Variants in PTPRD observed in about 807,000 individuals in gnomAD.
PTPRD encodes the protein protein tyrosine phosphatase receptor type D, also known as receptor-type tyrosine-protein phosphatase delta.
In PTPRD, 34 loss-of-function variants were observed where a neutral mutation model predicts 214.5. The ratio of observed to expected loss-of-function variants is 0.16; its 90% CI spans 0.12 to 0.21. The LOEUF (loss-of-function observed/expected upper bound fraction) is 0.21. Among genes scored for constraint, PTPRD ranks in the 10% least tolerant of loss-of-function variants. The probability of loss-of-function intolerance (pLI) is 1.00; values close to 1 mark genes in which losing one functional copy is unlikely to be tolerated. For missense variants in PTPRD, 2,545 were observed against 2,398.7 expected (o/e 1.06, Z -1.27); for synonymous variants, 1,128 against 845.7 (o/e 1.33, Z -5.79).
chr9:9,085,266 C>T (rs1201939871), intron 10 of PTPRD, among the ~76,000 whole-genome samples: 2 of 152,052 alleles, frequency 1.3e-5, no homozygotes, highest in African/African-American at 2.4e-5. Context: ...TTTATAACTA[C>T]CTATTTAGGA....
intron 4 of PTPRD, among the ~76,000 whole-genome samples, chr9:9,973,799 A>G (rs961573659): frequency 6.6e-6 from 1 of 151,522 alleles, no homozygotes; most frequent in African/African-American, 2.4e-5. Context: ...TTATATTTTT[A>G]TTTGTATTTT....
At chr9:10,388,313 A>G (rs73644443) in intron 2 of PTPRD, among the ~76,000 whole-genome samples, 91 of 151,964 alleles carry the variant, frequency 6.0e-4, no homozygotes, top group African/African-American at 2.1e-3. Context: ...GAAAGGAAGT[A>G]CATCCTGAGA....
At chr9:10,289,410 G>A (rs1048141880) in intron 3 of PTPRD, among the ~76,000 whole-genome samples, 12 of 152,092 alleles carry the variant, frequency 7.9e-5, no homozygotes, top group African/African-American at 2.7e-4. Context: ...GAGCACAGAG[G>A]AAAACCCTGC....
At chr9:9,176,979 G>GT (rs1156270497) in intron 10 of PTPRD, among the ~76,000 whole-genome samples, 2 of 152,056 alleles carry the variant, frequency 1.3e-5, no homozygotes, top group African/African-American at 2.4e-5. Flanking sequence ...TATCTTAGTA[G>GT]TTTTTTCTGT....
chr9:10,321,656 ACT>A (rs1269793393), intron 3 of PTPRD, among the ~76,000 whole-genome samples: 6 of 151,540 alleles, frequency 4.0e-5, no homozygotes, highest in Admixed American at 3.3e-4. Context: ...AACAAAATCA[ACT>A]CTTTTATTTG....
intron 9 of PTPRD, among the ~76,000 whole-genome samples, chr9:9,214,791 C>G (rs2099951071): frequency 6.6e-6 from 1 of 152,048 alleles, no homozygotes; most frequent in Non-Finnish European, 1.5e-5. Flanking sequence ...GTGGTTGGCA[C>G]TATATAAATA....
intron 4 of PTPRD, among the ~76,000 whole-genome samples, chr9:10,014,665 T>C (rs564622539): frequency 3.6e-4 from 55 of 152,028 alleles, no homozygotes; most frequent in African/African-American, 1.3e-3. Context: ...AGATGAGAAA[T>C]GAAACGTGAA....
chr9:10,444,902 C>T (rs1392510137), intron 2 of PTPRD, among the ~76,000 whole-genome samples: 3 of 151,844 alleles, frequency 2.0e-5, no homozygotes, highest in Admixed American at 6.6e-5. Flanking sequence ...CCACTTTTCT[C>T]ACAGAAAAAT....
At chr9:10,050,457 G>T (rs2097510141) in intron 3 of PTPRD, among the ~76,000 whole-genome samples, 1 of 149,488 alleles carries the variant, frequency 6.7e-6, no homozygotes, top group Non-Finnish European at 1.5e-5. Context: ...CTACTTGGGA[G>T]GCTGAGGCAG....
At chr9:9,329,902 A>T (rs1187777418) in intron 9 of PTPRD, among the ~76,000 whole-genome samples, 1 of 152,188 alleles carries the variant, frequency 6.6e-6, no homozygotes, top group Non-Finnish European at 1.5e-5. Flanking sequence ...TCACTGAGAA[A>T]TTCCTAGGGC....
intron 14 of PTPRD, among the ~76,000 whole-genome samples, chr9:8,557,805 C>T (rs1033570074): frequency 6.5e-5 from 9 of 138,308 alleles, no homozygotes; most frequent in African/African-American, 2.5e-4. Flanking sequence ...CACACACACA[C>T]ACATATATAC....
intron 10 of PTPRD, among the ~76,000 whole-genome samples, chr9:9,131,015 T>C (rs1486146336): frequency 6.6e-6 from 1 of 152,178 alleles, no homozygotes; most frequent in Non-Finnish European, 1.5e-5. Context: ...ACAAGATTTT[T>C]TTAAAAGAAT....
At chr9:9,818,888 C>G (rs1311260807) in intron 5 of PTPRD, among the ~76,000 whole-genome samples, 1 of 139,832 alleles carries the variant, frequency 7.2e-6, no homozygotes, top group Non-Finnish European at 1.5e-5. Flanking sequence ...TGCACTCCAG[C>G]CTGGGCAACA....
At chr9:8,491,444 G>C (rs2097147216) in intron 27 of PTPRD, among the ~76,000 whole-genome samples, 1 of 152,106 alleles carries the variant, frequency 6.6e-6, no homozygotes, top group African/African-American at 2.4e-5. Context: ...CAACAGGGGA[G>C]TGGTGCTTCA....
At chr9:10,612,560 G>C (rs1028382831) in intron 1 of PTPRD, 55 bp from the exon 2 acceptor site, 2 of 152,258 alleles carry the variant, frequency 1.3e-5, no homozygotes, top group African/African-American at 4.8e-5. Context: ...GCTTTGGTGG[G>C]GTGCTTCGAT....
intron 14 of PTPRD, among the ~76,000 whole-genome samples, chr9:8,562,924 G>T (rs538030745): frequency 6.7e-6 from 1 of 149,674 alleles, no homozygotes; most frequent in African/African-American, 2.5e-5. Context: ...TGTATTTGGT[G>T]CAAGGAATGA....
chr9:8,736,141 G>T (rs920156603), intron 11 of PTPRD, among the ~76,000 whole-genome samples: 1 of 152,186 alleles, frequency 6.6e-6, no homozygotes, highest in South Asian at 2.1e-4. Flanking sequence ...CAGGTGAGAA[G>T]TGACACAGGA....
intron 7 of PTPRD, among the ~76,000 whole-genome samples, chr9:9,719,047 C>T (rs963673711): frequency 3.3e-5 from 5 of 152,182 alleles, no homozygotes; most frequent in African/African-American, 9.7e-5. Context: ...GTCAGAACTT[C>T]CTTGATGTCT....
In PTPRD at chr9:9,131,507, C is replaced by T. The variant is rs545117809; in HGVS notation, c.-143+51797G>A. Among the ~76,000 whole-genome samples, 8 of 152,226 alleles carry T rather than the reference C, an allele frequency of 5.3e-5. No individual in the cohort carries two copies. In the East Asian group the frequency reaches 1.5e-3, roughly 29 times the overall value. Reference sequence around the variant, plus strand: ...TTCGCTATTACCATTGTAAAAACTCCACACCATGCTATATATATTCTATTT... The same window carrying T: ...TTCGCTATTACCATTGTAAAAACTCTACACCATGCTATATATATTCTATTT... On this transcript the variant is annotated intron_variant, in intron 10 of 45. Transcript: ENST00000381196.
Sources: allele counts gnomAD v4.1 joint callset (sites outside exome capture counted in the v4.1 genomes callset), GRCh38; gene constraint gnomAD v4.1.1; transcripts MANE v1.5; gene names NCBI Gene and HGNC (gene_info 2026-07-23, HGNC 2026-07-21).